Variants in CADM2 observed in about 807,000 individuals in gnomAD.
CADM2 encodes immunoglobulin superfamily member 4D.
In CADM2, 12 loss-of-function variants were observed where a neutral mutation model predicts 49.8. The ratio of observed to expected loss-of-function variants is 0.24; its 90% CI spans 0.15 to 0.39. The LOEUF (loss-of-function observed/expected upper bound fraction) is 0.39, where lower values mean the gene tolerates loss of function less well. Ranked by LOEUF, CADM2 falls within the 10% of genes least tolerant of loss-of-function variation. The pLI, the probability that CADM2 is intolerant of heterozygous loss-of-function variation, is 1.00. For synonymous variants in CADM2, 214 were observed against 175.4 expected, an observed-to-expected ratio of 1.22 and a Z score of -1.74; for missense variants, 378 against 492.3, an observed-to-expected ratio of 0.77 and a Z score of 2.20.
chr3:85,578,008 C>CTTCCTTCT (rs1165090137), intron 1 of CADM2, among the ~76,000 whole-genome samples: 1 of 150,220 alleles, frequency 6.7e-6, no homozygotes, highest in Non-Finnish European at 1.5e-5. Flanking sequence ...TCCTTCCTTC[C>CTTCCTTCT]TTCCTTCCTT....
chr3:85,799,963 A>C (rs2071893401), intron 2 of CADM2: 2 of 152,324 alleles, frequency 1.3e-5, no homozygotes, highest in Non-Finnish European at 2.9e-5. Flanking sequence ...GGAACATTTA[A>C]GTCTGTTGAA....
At chr3:85,260,257 A>C (rs904891861) in intron 1 of CADM2, among the ~76,000 whole-genome samples, 15 of 152,118 alleles carry the variant, frequency 9.9e-5, no homozygotes, top group Admixed American at 9.8e-4. Context: ...CAAAAGCCTA[A>C]GTATTCAGGC....
At chr3:85,879,194 C>T (rs1200070572) in intron 3 of CADM2, among the ~76,000 whole-genome samples, 1 of 151,872 alleles carries the variant, frequency 6.6e-6, no homozygotes, top group East Asian at 1.9e-4. Context: ...TTTCCTCTGG[C>T]AGCTAAACAA....
At position 85,098,246 on chromosome 3, in the gene CADM2, C is replaced by T. The variant is rs2037876390; in HGVS notation, c.61+138578C>T. On this transcript the variant is annotated intron_variant, in intron 1 of 9. Coordinates refer to ENST00000383699, the MANE Select transcript of CADM2 (RefSeq NM_001167675.2). Reference sequence around the variant, plus strand: ...ATTCTTTATTCTTACTTATCCTGGACATTATCGTAGAAAAAAAAAAAAAAA... The same window carrying T: ...ATTCTTTATTCTTACTTATCCTGGATATTATCGTAGAAAAAAAAAAAAAAA... Among the ~76,000 whole-genome samples the T allele has an allele frequency of 2.2e-5, 3 of 133,758 alleles. No individual in the cohort carries two copies. In the South Asian group the frequency reaches 7.5e-4, roughly 33 times the overall value. The allele number at this position is 133,758 out of a possible 152,430, so 87.8% of individuals were successfully genotyped here. A position where few individuals can be genotyped will look rare whatever the true frequency, so the allele number is the denominator to read the frequency against.
chr3:85,749,784 T>C (rs571295702), intron 2 of CADM2, among the ~76,000 whole-genome samples: 1 of 152,166 alleles, frequency 6.6e-6, no homozygotes, highest in East Asian at 1.9e-4. Context: ...CTACCATTCC[T>C]TTTGTTTTAT....
chr3:86,009,136 T>C (rs1167951201), intron 8 of CADM2, among the ~76,000 whole-genome samples: 1 of 144,188 alleles, frequency 6.9e-6, no homozygotes, highest in Non-Finnish European at 1.5e-5. Context: ...TGTATATAGA[T>C]ATATATATAG....
At chr3:86,009,177 A>C (rs1731181789) in intron 8 of CADM2, among the ~76,000 whole-genome samples, 1 of 140,108 alleles carries the variant, frequency 7.1e-6, no homozygotes, top group Admixed American at 7.5e-5. Flanking sequence ...ATATAGGTAT[A>C]TATATGAATA....
Position 85,179,496 on chromosome 3 carries a change from C to CT in CADM2, c.61+219836dup, listed in dbSNP as rs574521209. Reference sequence around the variant, plus strand: ...TATTTGTGATATGTAGCAGGAAATCCTTTTTTTTAATATGAATGCAAGATC... The same window carrying CT: ...TATTTGTGATATGTAGCAGGAAATCCTTTTTTTTTAATATGAATGCAAGATC... On this transcript the variant is annotated intron_variant, in intron 1 of 9. Coordinates refer to ENST00000383699, the MANE Select transcript of CADM2 (RefSeq NM_001167675.2). Among the ~76,000 whole-genome samples the CT allele has an allele frequency of 6.1e-3, 928 of 151,426 alleles. 3 individuals carry two copies. Among genetic ancestry groups the CT allele is most frequent in the Non-Finnish European group, 0.011 (731 of 67,770 alleles).
chr3:85,651,819 T>C (rs538310373), intron 1 of CADM2, among the ~76,000 whole-genome samples: 1 of 144,494 alleles, frequency 6.9e-6, no homozygotes, highest in South Asian at 2.4e-4. Context: ...ATTTTGTTTT[T>C]TTCTTTTTTT....
intron 3 of CADM2, among the ~76,000 whole-genome samples, chr3:85,822,831 C>A (rs986803347): frequency 2.6e-5 from 4 of 152,100 alleles, no homozygotes; most frequent in Non-Finnish European, 5.9e-5. Flanking sequence ...TCTATGATAA[C>A]TTTTCCTAAA....
chr3:85,072,482 C>T (rs941062246), intron 1 of CADM2, among the ~76,000 whole-genome samples: 2 of 152,032 alleles, frequency 1.3e-5, no homozygotes, highest in African/African-American at 4.8e-5. Flanking sequence ...TTCAAAAAGT[C>T]AGACTATGTA....
intron 1 of CADM2, among the ~76,000 whole-genome samples, chr3:85,248,405 G>A (rs2042698929): frequency 6.6e-6 from 1 of 152,112 alleles, no homozygotes; most frequent in Non-Finnish European, 1.5e-5. Context: ...CTTCCCAGTA[G>A]CTGGGATTAC....
At chr3:85,731,726 A>G (rs908812643) in intron 2 of CADM2, among the ~76,000 whole-genome samples, 1 of 152,002 alleles carries the variant, frequency 6.6e-6, no homozygotes, top group African/African-American at 2.4e-5. Context: ...TTCTTTCATC[A>G]CCTTTAATAT....
intron 8 of CADM2, among the ~76,000 whole-genome samples, chr3:86,055,024 A>G (rs1458943810): frequency 1.3e-5 from 2 of 152,196 alleles, no homozygotes; most frequent in African/African-American, 4.8e-5. Context: ...GAAGCAACAG[A>G]ATAAAAAGCA....
intron 1 of CADM2, among the ~76,000 whole-genome samples, chr3:85,709,949 G>A (rs981270708): frequency 1.3e-5 from 2 of 152,064 alleles, no homozygotes; most frequent in African/African-American, 4.8e-5. Flanking sequence ...GCAGATGAAC[G>A]CTTTCTTTAA....
Position 85,321,116 on chromosome 3 carries a change from A to ATTTTTTTTTTTTTTT in CADM2, c.61+361484_61+361498dup, listed in dbSNP as rs1157576505. On this transcript the variant is annotated intron_variant, in intron 1 of 9. Coordinates refer to ENST00000383699, the MANE Select transcript of CADM2 (RefSeq NM_001167675.2). Reference sequence around the variant, plus strand: ...CATATATATATATATATATATATATATTTTTTTTTTTTTTTTTTTTTTTTT... The same window carrying ATTTTTTTTTTTTTTT: ...CATATATATATATATATATATATATATTTTTTTTTTTTTTTTTTTTTTTTTTTTTTTTTTTTTTTT... 7.3e-5 allele frequency among the ~76,000 whole-genome samples: 2 copies of ATTTTTTTTTTTTTTT among 27,496 alleles called. 1 individual carries two copies. Among genetic ancestry groups the ATTTTTTTTTTTTTTT allele is most frequent in the Non-Finnish European group, 1.3e-4 (2 of 15,270 alleles). The allele number at this position is 27,496 out of a possible 152,430, so 18.0% of individuals were successfully genotyped here. A position where few individuals can be genotyped will look rare whatever the true frequency, so the allele number is the denominator to read the frequency against.
chr3:85,728,512 C>T (rs140616178), intron 2 of CADM2, among the ~76,000 whole-genome samples: 5 of 151,628 alleles, frequency 3.3e-5, no homozygotes, highest in South Asian at 2.1e-4. Context: ...GGTCCAATTT[C>T]TATATGAAGG....
At chr3:85,731,663 C>T (rs1435709654) in intron 2 of CADM2, among the ~76,000 whole-genome samples, 1 of 151,992 alleles carries the variant, frequency 6.6e-6, no homozygotes, top group Non-Finnish European at 1.5e-5. Flanking sequence ...CATTATAAGA[C>T]TAAAATAAAC....
At chr3:84,994,873 A>G (rs1294971267) in intron 1 of CADM2, among the ~76,000 whole-genome samples, 2 of 151,948 alleles carry the variant, frequency 1.3e-5, no homozygotes, top group Non-Finnish European at 2.9e-5. Context: ...CTAAAAATAC[A>G]AAAAATAAGC....
Sources: allele counts gnomAD v4.1 joint callset (sites outside exome capture counted in the v4.1 genomes callset), GRCh38; gene constraint gnomAD v4.1.1; transcripts MANE v1.5; gene names NCBI Gene and HGNC (gene_info 2026-07-23, HGNC 2026-07-21).